Variants in MOSPD2 observed in about 807,000 individuals in gnomAD.
MOSPD2 encodes motile sperm domain containing 2, also known as motile sperm domain-containing protein 2.
A neutral mutation model predicts 41.7 loss-of-function variants in MOSPD2; 5 were observed. That is an observed-to-expected ratio of 0.12 (90% CI 0.06 to 0.25). The LOEUF (loss-of-function observed/expected upper bound fraction) is 0.25. Ranked by LOEUF, MOSPD2 falls within the 10% of genes least tolerant of loss-of-function variation. The pLI is 1.00. For missense variants in MOSPD2, 282 were observed against 375.2 expected (o/e 0.75, Z 2.05); for synonymous variants, 115 against 126.9 (o/e 0.91, Z 0.63).
At chrX:14,883,052 G>A (rs774346289) in intron 2 of MOSPD2, among the ~76,000 whole-genome samples, 1 of 110,328 alleles carries the variant, frequency 9.1e-6, no homozygotes, top group Non-Finnish European at 1.9e-5. Flanking sequence ...AAAATTAGCC[G>A]GTCGTGGTGG....
chrX:14,914,720 A>G (rs2092597400), intron 11 of MOSPD2, 121 bp downstream of exon 11: 1 of 438,769 alleles, frequency 2.3e-6, no homozygotes, highest in Non-Finnish European at 3.8e-6. Flanking sequence ...ATTTATGACA[A>G]TTTTTAGGCA....
intron 2 of MOSPD2, among the ~76,000 whole-genome samples, chrX:14,886,728 G>A (rs779920915): frequency 1.8e-5 from 2 of 111,728 alleles, no homozygotes; most frequent in South Asian, 7.5e-4. Flanking sequence ...CAGTATGTAG[G>A]AACTGGTTAC....
chrX:14,892,471 C>T (rs1475822417), intron 2 of MOSPD2, among the ~76,000 whole-genome samples: 1 of 111,567 alleles, frequency 9.0e-6, no homozygotes, highest in Non-Finnish European at 1.9e-5. Context: ...GACCCAAACA[C>T]CTCCCACCAG....
At chrX:14,873,914 C>A in intron 2 of MOSPD2, 156 bp downstream of exon 2, 2 of 510,410 alleles carry the variant, frequency 3.9e-6, no homozygotes. Context: ...CTCTCCATGA[C>A]AAGCCGTGTG....
chrX:14,902,917 A>G (rs1483100304), intron 6 of MOSPD2, 49 bp from the exon 7 acceptor site: 12 of 926,429 alleles, frequency 1.3e-5, no homozygotes, highest in Non-Finnish European at 1.9e-5. Flanking sequence ...GAGTGATATT[A>G]TTATAGAGGT....
Position 14,873,727 on chromosome X carries a change from C to T in MOSPD2, c.48C>T (p.Thr16=). ...AQNKAKLISE[T]RRRFEAEYVT... ...ATAAAGCCAAGCTCATCTCTGAGAC[C>T]CGGAGGAGGTTCGAAGCTGAGTATG... Residue 16 remains threonine, a synonymous_variant, in exon 2 of 15, where the codon ACC becomes ACT. Coordinates refer to ENST00000380492, the MANE Select transcript of MOSPD2 (RefSeq NM_152581.4). 2 of 1,210,782 alleles carry T rather than the reference C, an allele frequency of 1.7e-6. No homozygotes were observed.
chrX:14,921,622 T>C lies in MOSPD2; in HGVS notation c.*1813T>C. 1 of 269,425 alleles carries C rather than the reference T, an allele frequency of 3.7e-6. No individual in the cohort carries two copies. Among genetic ancestry groups the C allele is most frequent in the Non-Finnish European group, 6.5e-6 (1 of 155,010 alleles). The allele number at this position is 269,425 out of a possible 1,213,427, so 22.2% of individuals were successfully genotyped here. Reference sequence around the variant, plus strand: ...TTAATGTTTCATATGAAAAATTATGTTGACCCACTAAAATATCCTTGCTCA... The same window carrying C: ...TTAATGTTTCATATGAAAAATTATGCTGACCCACTAAAATATCCTTGCTCA... On this transcript the variant is annotated 3_prime_UTR_variant, in exon 15 of 15. Transcript: ENST00000380492.
At chrX:14,890,195 T>TA (rs759399817) in intron 2 of MOSPD2, among the ~76,000 whole-genome samples, 10,311 of 104,809 alleles carry the variant, frequency 0.098, 600 homozygotes, top group African/African-American at 0.21. Flanking sequence ...ACTCTTAGTT[T>TA]AAAAAAAAAA....
Position 14,873,500 on chromosome X carries a change from C to T in MOSPD2, c.-29C>T. On this transcript the variant is annotated 5_prime_UTR_variant, in exon 1 of 15. Transcript: ENST00000380492. ...GCGACGGTAGAACGGGCGACGGCGACAACCGCAATCACATCCACGACGGTG... is the reference window on the plus strand; with the variant it reads ...GCGACGGTAGAACGGGCGACGGCGATAACCGCAATCACATCCACGACGGTG... The T allele has an allele frequency of 1.7e-6, 2 of 1,211,920 alleles. No individual in the cohort carries two copies. The highest frequency in any genetic ancestry group is 1.1e-6 in the Non-Finnish European group (1 of 895,382).
At chrX:14,899,294 C>T (rs1358758385) in intron 5 of MOSPD2, among the ~76,000 whole-genome samples, 1 of 107,997 alleles carries the variant, frequency 9.3e-6, no homozygotes, top group Non-Finnish European at 1.9e-5. Context: ...CAGTAACTCA[C>T]GATTTTACGA....
Position 14,920,603 on chromosome X carries a change from A to C in MOSPD2, c.*794A>C, listed in dbSNP as rs746158828. ...TTCATGTTGTCCACTATAGCTGGAC[A>C]CTGAACCTTTTGCCTAATTTATTAT... On this transcript the variant is annotated 3_prime_UTR_variant, in exon 15 of 15. Coordinates refer to ENST00000380492, the MANE Select transcript of MOSPD2 (RefSeq NM_152581.4). 3.9e-5 allele frequency: 29 copies of C among 751,837 alleles called. No homozygotes were observed. Among genetic ancestry groups the C allele is most frequent in the Non-Finnish European group, 4.5e-5 (29 of 638,748 alleles). 62.0% of individuals were successfully genotyped at this position (751,837 alleles called of 1,213,427 possible).
chrX:14,879,382 A>T (rs186211076), intron 2 of MOSPD2, among the ~76,000 whole-genome samples: 1 of 111,387 alleles, frequency 9.0e-6, no homozygotes, highest in East Asian at 2.8e-4. Context: ...ATAATACTAA[A>T]CTACCATTTT....
At chrX:14,905,741 C>T (rs1317504023) in intron 7 of MOSPD2, among the ~76,000 whole-genome samples, 1 of 110,758 alleles carries the variant, frequency 9.0e-6, no homozygotes, top group Admixed American at 9.7e-5. Flanking sequence ...CTCTGCCTGC[C>T]CCGCCCTCCC....
At chrX:14,905,277 C>T (rs2092579897) in intron 7 of MOSPD2, among the ~76,000 whole-genome samples, 1 of 110,928 alleles carries the variant, frequency 9.0e-6, no homozygotes, top group Non-Finnish European at 1.9e-5. Flanking sequence ...AATTACAAAA[C>T]CCCATTTTAG....
At chrX:14,900,305 T>G (rs1273876806) in intron 5 of MOSPD2, among the ~76,000 whole-genome samples, 2 of 111,814 alleles carry the variant, frequency 1.8e-5, no homozygotes, top group African/African-American at 6.5e-5. Context: ...CTTAGTAGCC[T>G]GAAGTGTGTA....
chrX:14,921,051 C>CACCTTG lies in MOSPD2; in HGVS notation c.*1243_*1248dup, dbSNP rs2092608788. The CACCTTG allele has an allele frequency of 1.3e-6, 1 of 773,870 alleles. No homozygotes were observed. The allele number at this position is 773,870 out of a possible 1,213,427, so 63.8% of individuals were successfully genotyped here. On this transcript the variant is annotated 3_prime_UTR_variant, in exon 15 of 15. Coordinates refer to ENST00000380492, the MANE Select transcript of MOSPD2 (RefSeq NM_152581.4). Reference sequence around the variant, plus strand: ...GTATTCCTAAAATCCTAAAAAGATACACCTTGCAGTAGCAGAGGCAATGAC... The same window carrying CACCTTG: ...GTATTCCTAAAATCCTAAAAAGATACACCTTGACCTTGCAGTAGCAGAGGCAATGAC...
intron 2 of MOSPD2, chrX:14,874,603 A>G (rs1333025593): frequency 1.8e-5 from 2 of 111,647 alleles, no homozygotes; most frequent in Non-Finnish European, 3.8e-5. Context: ...GTCTTAAAAT[A>G]TAGTGGATTC....
chrX:14,891,354 A>AGT (rs754172934), intron 2 of MOSPD2, among the ~76,000 whole-genome samples: 225 of 111,153 alleles, frequency 2.0e-3, no homozygotes, highest in South Asian at 3.4e-3. Context: ...GTGGGAATAT[A>AGT]GTGTGTGTGT....
Position 14,897,194 on chromosome X carries a change from G to T in MOSPD2, c.433G>T (p.Val145Leu), listed in dbSNP as rs1331575756. 4.1e-6 allele frequency: 5 copies of T among 1,205,517 alleles called. No individual in the cohort carries two copies. The highest frequency in any genetic ancestry group is 4.5e-6 in the Non-Finnish European group (4 of 892,693). ...TGCTAAGAGGGAAAATGGGAAACCT[G>T]TAACAGTGATGTTTGACCTGTCAGA... ...RYAKRENGKP[V>L]TVMFDLSETG... Residue 145 changes from valine to leucine, a missense_variant, in exon 5 of 15, where the codon GTA becomes TTA. Physicochemically the swap from Val to Leu is conservative, Grantham distance 32. Coordinates refer to ENST00000380492, the MANE Select transcript of MOSPD2 (RefSeq NM_152581.4).
Sources: allele counts gnomAD v4.1 joint callset (sites outside exome capture counted in the v4.1 genomes callset), GRCh38; gene constraint gnomAD v4.1.1; transcripts MANE v1.5; gene names NCBI Gene and HGNC (gene_info 2026-07-23, HGNC 2026-07-21).